TNC: variants seen among roughly 807,000 people sequenced by gnomAD.
TNC encodes the protein tenascin C, also known as tenascin.
Under a neutral mutation model 202.4 loss-of-function variants are expected in TNC, and 109 were observed. The ratio of observed to expected loss-of-function variants is 0.54; its 90% CI spans 0.46 to 0.63. The LOEUF is 0.63. Among genes scored for constraint, TNC ranks in the 30% least tolerant of loss-of-function variants. The probability of loss-of-function intolerance (pLI) is 0.00; values close to 1 mark genes in which losing one functional copy is unlikely to be tolerated. For synonymous variants in TNC, 1,007 were observed against 1,089.7 expected, an observed-to-expected ratio of 0.92 and a Z score of 1.50; for missense variants, 2,756 against 2,833.3, an observed-to-expected ratio of 0.97 and a Z score of 0.62.
At chr9:115,028,547 GTT>G (rs1829687272) in intron 25 of TNC, among the ~76,000 whole-genome samples, 1 of 152,082 alleles carries the variant, frequency 6.6e-6, no homozygotes, top group Non-Finnish European at 1.5e-5. Flanking sequence ...TAAGGGCTGA[GTT>G]TTGGTTCTTC....
chr9:115,060,285 T>C (rs1466529151), intron 13 of TNC, among the ~76,000 whole-genome samples: 1 of 151,966 alleles, frequency 6.6e-6, no homozygotes, highest in African/African-American at 2.4e-5. Flanking sequence ...TGCTAGCAGG[T>C]GAAATTCACA....
intron 25 of TNC, among the ~76,000 whole-genome samples, chr9:115,027,603 A>G (rs564840270): frequency 6.6e-6 from 1 of 152,234 alleles, no homozygotes; most frequent in Admixed American, 6.5e-5. Context: ...AAACAAACAA[A>G]CAAACAAATA....
intron 15 of TNC, among the ~76,000 whole-genome samples, chr9:115,051,890 T>G (rs1831702384): frequency 6.6e-6 from 1 of 152,066 alleles, no homozygotes; most frequent in African/African-American, 2.4e-5. Flanking sequence ...AGAGCAGCTG[T>G]GAAAGTCCTC....
At chr9:115,077,912 C>A in intron 7 of TNC, 31 bp downstream of exon 7, 1 of 1,603,780 alleles carries the variant, frequency 6.2e-7, no homozygotes, top group Non-Finnish European at 8.5e-7. Context: ...CTTTCCTTTA[C>A]TATATCTGTT....
intron 9 of TNC, 30 bp downstream of exon 9, chr9:115,076,002 A>T: frequency 6.3e-7 from 1 of 1,589,350 alleles, no homozygotes; most frequent in Non-Finnish European, 8.6e-7. Flanking sequence ...GCACCAGCTC[A>T]GTGGGATGGG....
intron 15 of TNC, among the ~76,000 whole-genome samples, chr9:115,053,881 A>G (rs17819299): frequency 5.3e-5 from 8 of 152,122 alleles, no homozygotes; most frequent in Non-Finnish European, 1.0e-4. Context: ...AGGAAACTCA[A>G]TTATTGGATA....
chr9:115,085,757 G>A, intron 3 of TNC, 107 bp downstream of exon 3: 1 of 1,071,354 alleles, frequency 9.3e-7, no homozygotes, highest in Non-Finnish European at 1.3e-6. Context: ...TACGTACAAA[G>A]AATCAGTGTG....
At chr9:115,108,652 C>T (rs111500906) in intron 1 of TNC, among the ~76,000 whole-genome samples, 5 of 152,314 alleles carry the variant, frequency 3.3e-5, no homozygotes, top group African/African-American at 1.2e-4. Context: ...CTTCCCCCTG[C>T]TATGGTCTGA....
chr9:115,091,395 AG>A (rs1187412868), intron 1 of TNC, among the ~76,000 whole-genome samples: 2 of 152,224 alleles, frequency 1.3e-5, no homozygotes, highest in African/African-American at 4.8e-5. Flanking sequence ...AGAGAGAAAA[AG>A]GTAAAATATT....
At chr9:115,088,890 A>G (rs928892642) in intron 2 of TNC, among the ~76,000 whole-genome samples, 5 of 152,102 alleles carry the variant, frequency 3.3e-5, no homozygotes, top group Non-Finnish European at 5.9e-5. Context: ...AATAATTTTG[A>G]TATTGATTTC....
intron 10 of TNC, among the ~76,000 whole-genome samples, chr9:115,071,767 A>G (rs539274167): frequency 2.0e-5 from 3 of 152,206 alleles, no homozygotes; most frequent in East Asian, 3.9e-4. Flanking sequence ...AGAGAAAGAA[A>G]AGAGAGGGAT....
intron 7 of TNC, among the ~76,000 whole-genome samples, 161 bp from the exon 8 acceptor site, chr9:115,076,736 C>A (rs190454511): frequency 6.4e-4 from 98 of 152,338 alleles, no homozygotes; most frequent in African/African-American, 2.1e-3. Context: ...CAAATCTAAA[C>A]AAGTGCTACA....
At chr9:115,070,318 GAA>G (rs1412418064) in intron 10 of TNC, among the ~76,000 whole-genome samples, 2 of 152,174 alleles carry the variant, frequency 1.3e-5, no homozygotes. Context: ...GAAGTGCTGG[GAA>G]AAGAGTGGTA....
intron 1 of TNC, among the ~76,000 whole-genome samples, chr9:115,103,543 A>G (rs1243574166): frequency 6.6e-6 from 1 of 152,112 alleles, no homozygotes; most frequent in East Asian, 1.9e-4. Flanking sequence ...AGCAGGTCTG[A>G]CCAACAGGGT....
chr9:115,076,513 A>G lies in TNC; in HGVS notation c.2737T>C (p.Trp913Arg), dbSNP rs1203028725. 1.2e-6 allele frequency: 2 copies of G among 1,614,086 alleles called. No homozygotes were observed. The highest frequency in any genetic ancestry group is 1.7e-6 in the Non-Finnish European group (2 of 1,180,040). The change falls in exon 8 of 28, where the codon TGG becomes CGG. Residue 913 changes from tryptophan to arginine, a missense_variant. Physicochemically the swap from Trp to Arg is moderately radical, Grantham distance 101 (BLOSUM62 -3). Coordinates refer to ENST00000350763, the MANE Select transcript of TNC (RefSeq NM_002160.4). ...SQTDNSITLE[W>R]RNGKAAIDSY... ...TCAATAGCTGCCTTGCCATTCCTCC[A>G]TTCCAGGGTGATGCTGTTATCTGTC...
chr9:115,036,082 C>G lies in TNC; in HGVS notation c.5656+16G>C, dbSNP rs780383171. On this transcript the variant is annotated intron_variant, in intron 21 of 27. Coordinates refer to ENST00000350763, the MANE Select transcript of TNC (RefSeq NM_002160.4). ...ACCCCAGAAGGGAGAGCTTCCAGCT[C>G]TCAGTGTCTTTGTACCTGTTGTGAA... 2 of 1,614,038 alleles carry G rather than the reference C, an allele frequency of 1.2e-6. No homozygotes were observed. Among genetic ancestry groups the G allele is most frequent in the East Asian group, 2.2e-5 (1 of 44,876 alleles).
intron 15 of TNC, among the ~76,000 whole-genome samples, chr9:115,051,515 A>G (rs1004256682): frequency 3.7e-5 from 5 of 136,040 alleles, no homozygotes; most frequent in African/African-American, 1.4e-4. Context: ...TTTCTAGGTG[A>G]TTTTTCTTTT....
chr9:115,040,865 A>C, intron 19 of TNC, 76 bp downstream of exon 19: 2 of 1,502,574 alleles, frequency 1.3e-6, no homozygotes, highest in Non-Finnish European at 1.8e-6. Flanking sequence ...GCTGAAGGTG[A>C]GAAATGGCAT....
chr9:115,051,528 CT>C lies in TNC; in HGVS notation c.4580-2997del, dbSNP rs1249354542. Among the ~76,000 whole-genome samples the C allele has an allele frequency of 3.4e-4, 31 of 90,710 alleles. No homozygotes were observed. The East Asian group carries it at 7.3e-3, about 21-fold the overall frequency. 59.5% of individuals were successfully genotyped at this position (90,710 alleles called of 152,430 possible). On this transcript the variant is annotated intron_variant, in intron 15 of 27. Transcript: ENST00000350763. Reference sequence around the variant, plus strand: ...CTTTTCTAGGTGATTTTTCTTTTTTCTTTTTTTTCTTTTTTTTTTTTTTCTG... The same window carrying C: ...CTTTTCTAGGTGATTTTTCTTTTTTCTTTTTTTCTTTTTTTTTTTTTTCTG...
Sources: allele counts gnomAD v4.1 joint callset (sites outside exome capture counted in the v4.1 genomes callset), GRCh38; gene constraint gnomAD v4.1.1; transcripts MANE v1.5; gene names NCBI Gene and HGNC (gene_info 2026-07-23, HGNC 2026-07-21).